INSR: variants seen among roughly 807,000 people sequenced by gnomAD.
INSR encodes IR.
A neutral mutation model predicts 142.6 loss-of-function variants in INSR; 67 were observed. The ratio of observed to expected loss-of-function variants is 0.47; its 90% CI spans 0.39 to 0.58. The LOEUF (loss-of-function observed/expected upper bound fraction) is 0.58. Among genes scored for constraint, INSR ranks in the 20% least tolerant of loss-of-function variants. INSR has a pLI of 0.00. For missense variants in INSR, 1,248 were observed against 1,833.2 expected (o/e 0.68, Z 5.83); for synonymous variants, 756 against 743.1 (o/e 1.02, Z -0.28).
At chr19:7,144,561 G>A (rs1345293425) in intron 11 of INSR, among the ~76,000 whole-genome samples, 1 of 151,998 alleles carries the variant, frequency 6.6e-6, no homozygotes, top group Non-Finnish European at 1.5e-5. Flanking sequence ...CCGCCACCAT[G>A]CCCAGCTAAT....
chr19:7,242,014 T>C (rs1438157646), intron 2 of INSR, among the ~76,000 whole-genome samples: 1 of 151,924 alleles, frequency 6.6e-6, no homozygotes, highest in Admixed American at 6.6e-5. Context: ...TAGCCAGGTA[T>C]GGTGGTATGC....
intron 2 of INSR, among the ~76,000 whole-genome samples, chr19:7,202,472 G>T (rs1974988155): frequency 6.6e-6 from 1 of 152,022 alleles, no homozygotes; most frequent in Admixed American, 6.6e-5. Flanking sequence ...AGACTTAGGG[G>T]TTGGTTGTTT....
At position 7,117,177 on chromosome 19, in the gene INSR, C is replaced by T. The variant is rs753624268; in HGVS notation, c.4028G>A (p.Arg1343Gln). The T allele has an allele frequency of 2.6e-5, 42 of 1,613,996 alleles. No homozygotes were observed. The East Asian group carries it at 4.9e-4, about 19-fold the overall frequency. The change falls in exon 22 of 22, where the codon CGG (arginine) becomes CAG (glutamine). Residue 1343 changes from arginine to glutamine, a missense_variant. Physicochemically the swap from Arg to Gln is conservative, Grantham distance 43. Transcript: ENST00000302850. Reference sequence around the variant, plus strand: ...GAAACCCAGCGAGGACCCTCCATCCCGGCCCCCCGCCTCCTCCCTCTGACA... The same window carrying T: ...GAAACCCAGCGAGGACCCTCCATCCTGGCCCCCCGCCTCCTCCCTCTGACA... ...SHCQREEAGGRDGGSSLGFKR... is the reference protein window; with the variant it reads ...SHCQREEAGGQDGGSSLGFKR...
At chr19:7,134,135 C>T (rs938219685) in intron 13 of INSR, among the ~76,000 whole-genome samples, 9 of 146,472 alleles carry the variant, frequency 6.1e-5, no homozygotes, top group South Asian at 4.4e-4. Context: ...GCCGAGATCG[C>T]GCCACTTAAG....
In INSR at chr19:7,116,522, A is replaced by G. The variant is rs1037660119; in HGVS notation, c.*534T>C. On this transcript the variant is annotated 3_prime_UTR_variant, in exon 22 of 22. Transcript: ENST00000302850. Reference sequence around the variant, plus strand: ...GGAACTCATTTTGTAAAGAAAAAAAAAATCCTTCAGCCTGGATGAGAGAAA... The same window carrying G: ...GGAACTCATTTTGTAAAGAAAAAAAGAATCCTTCAGCCTGGATGAGAGAAA... 2.0e-5 allele frequency: 3 copies of G among 152,258 alleles called. No homozygotes were observed. The highest frequency in any genetic ancestry group is 7.3e-5 in the African/African-American group (3 of 41,306). The allele number at this position is 152,258 out of a possible 1,614,324, so 9.4% of individuals were successfully genotyped here. A position where few individuals can be genotyped will look rare whatever the true frequency, so the allele number is the denominator to read the frequency against.
chr19:7,152,704 G>C (rs1322897199), intron 10 of INSR, 22 bp downstream of exon 10: 2 of 1,601,836 alleles, frequency 1.2e-6, no homozygotes, highest in East Asian at 2.2e-5. Context: ...CCCACTAAGA[G>C]AGCCCAGCGC....
chr19:7,184,180 G>T (rs1974352713), intron 3 of INSR, 136 bp downstream of exon 3: 11 of 753,314 alleles, frequency 1.5e-5, no homozygotes, highest in Non-Finnish European at 2.5e-5. Context: ...TGCAAAAGTA[G>T]CATCTGAGAG....
At chr19:7,249,786 A>T (rs1476430191) in intron 2 of INSR, among the ~76,000 whole-genome samples, 1 of 152,086 alleles carries the variant, frequency 6.6e-6, no homozygotes, top group Non-Finnish European at 1.5e-5. Context: ...AGGTCAGGAG[A>T]TCGAGACCAT....
chr19:7,182,640 A>G (rs1395346653), intron 3 of INSR, among the ~76,000 whole-genome samples: 3 of 152,192 alleles, frequency 2.0e-5, no homozygotes, highest in Non-Finnish European at 2.9e-5. Context: ...GAAAGGTCCC[A>G]GATACCAAGG....
At chr19:7,224,031 T>C (rs910707218) in intron 2 of INSR, among the ~76,000 whole-genome samples, 1 of 151,688 alleles carries the variant, frequency 6.6e-6, no homozygotes, top group Non-Finnish European at 1.5e-5. Context: ...CTGCAACCTC[T>C]CCCTCTTGGG....
intron 2 of INSR, among the ~76,000 whole-genome samples, chr19:7,226,291 T>C (rs1046083121): frequency 2.6e-5 from 4 of 151,464 alleles, no homozygotes; most frequent in Non-Finnish European, 2.9e-5. Context: ...GTGCCTGTAG[T>C]CCCAGCTACT....
chr19:7,243,237 T>TTG (rs1326837680), intron 2 of INSR, among the ~76,000 whole-genome samples: 1 of 105,148 alleles, frequency 9.5e-6, no homozygotes, highest in Non-Finnish European at 1.8e-5. Context: ...TGTTTTGGTT[T>TTG]TTTTTTTTTT....
At chr19:7,224,390 T>A (rs1181325322) in intron 2 of INSR, among the ~76,000 whole-genome samples, 1 of 152,072 alleles carries the variant, frequency 6.6e-6, no homozygotes, top group Middle Eastern at 3.2e-3. Flanking sequence ...TGCCAAGAAT[T>A]TCCCCAGAGC....
At chr19:7,263,005 C>A (rs1466966187) in intron 2 of INSR, among the ~76,000 whole-genome samples, 1 of 152,118 alleles carries the variant, frequency 6.6e-6, no homozygotes, top group African/African-American at 2.4e-5. Context: ...GGGCCAGGCG[C>A]GGTGGCACTC....
chr19:7,284,821 A>G (rs1449326831), intron 1 of INSR, among the ~76,000 whole-genome samples: 1 of 152,124 alleles, frequency 6.6e-6, no homozygotes, highest in Non-Finnish European at 1.5e-5. Flanking sequence ...CGCCTGCTCA[A>G]AAAGGACTAG....
At chr19:7,169,228 C>G (rs969163220) in intron 6 of INSR, among the ~76,000 whole-genome samples, 1 of 152,162 alleles carries the variant, frequency 6.6e-6, no homozygotes, top group Non-Finnish European at 1.5e-5. Context: ...CCTATCCTCC[C>G]TCCTTCCCGC....
At chr19:7,253,111 CAA>C (rs534566042) in intron 2 of INSR, among the ~76,000 whole-genome samples, 2 of 136,760 alleles carry the variant, frequency 1.5e-5, no homozygotes, top group African/African-American at 2.6e-5. Flanking sequence ...GAGACTCCGC[CAA>C]AAAAAAAAAA....
chr19:7,155,491 T>C lies in INSR; in HGVS notation c.2030-2564A>G, dbSNP rs113192145. On this transcript the variant is annotated intron_variant, in intron 9 of 21. Coordinates refer to ENST00000302850, the MANE Select transcript of INSR (RefSeq NM_000208.4). Reference sequence around the variant, plus strand: ...AGGCGGAGGTTGCATTGAGCCAAGATTGCGCCACTGCACTCCAGCCTGGGT... The same window carrying C: ...AGGCGGAGGTTGCATTGAGCCAAGACTGCGCCACTGCACTCCAGCCTGGGT... Among the ~76,000 whole-genome samples the C allele has an allele frequency of 4.4e-3, 656 of 148,074 alleles. 5 individuals carry two copies. The highest frequency in any genetic ancestry group is 0.016 in the African/African-American group (630 of 39,856).
At chr19:7,291,336 G>C (rs940835164) in intron 1 of INSR, among the ~76,000 whole-genome samples, 1 of 152,222 alleles carries the variant, frequency 6.6e-6, no homozygotes, top group Admixed American at 6.5e-5. Context: ...CTTGTGAAAA[G>C]GGAAGATTAA....
Sources: gnomAD v4.1 joint callset for allele counts (sites outside exome capture counted in the v4.1 genomes callset) on GRCh38, gnomAD v4.1.1 for gene constraint, MANE v1.5 for transcripts, NCBI Gene and HGNC (gene_info 2026-07-23, HGNC 2026-07-21) for gene names.